The following GSE1 variants were observed in gnomAD, a reference collection of about 807,000 sequenced individuals.
The protein encoded by GSE1 is genetic suppressor element 1.
Under a neutral mutation model 112.6 loss-of-function variants are expected in GSE1, and 32 were observed. The observed-to-expected ratio is 0.28, with a 90% CI of 0.21 to 0.38. The LOEUF (loss-of-function observed/expected upper bound fraction) is 0.38, where lower values mean the gene tolerates loss of function less well. Ranked by LOEUF, GSE1 falls within the 10% of genes least tolerant of loss-of-function variation. The pLI is 1.00. For missense variants in GSE1, 2,348 were observed against 1,699.2 expected, an observed-to-expected ratio of 1.38 and a Z score of -6.71; for synonymous variants, 1,115 against 735.6, an observed-to-expected ratio of 1.52 and a Z score of -8.35.
intron 1 of GSE1, among the ~76,000 whole-genome samples, chr16:85,614,081 G>GCCCCT (rs1426645865): frequency 0.019 from 1,442 of 75,770 alleles, 32 homozygotes; most frequent in African/African-American, 0.07. Flanking sequence ...GCGGCTCCCT[G>GCCCCT]CCCCTCCCCT....
upstream of GSE1, among the ~76,000 whole-genome samples, chr16:85,554,129 CAA>C (rs2045075542): frequency 6.7e-6 from 1 of 149,490 alleles, no homozygotes; most frequent in Non-Finnish European, 1.5e-5. Context: ...ATTGTCACAT[CAA>C]GAGGCAGCTT....
intron 2 of GSE1, among the ~76,000 whole-genome samples, chr16:85,477,790 G>A (rs951051745): frequency 3.3e-5 from 5 of 151,998 alleles, no homozygotes; most frequent in African/African-American, 1.2e-4. Context: ...TCGAACTCCT[G>A]ACCTTGTGAT....
At chr16:85,466,686 A>G (rs2050131130) in intron 2 of GSE1, among the ~76,000 whole-genome samples, 1 of 145,984 alleles carries the variant, frequency 6.9e-6, no homozygotes, top group South Asian at 2.2e-4. Context: ...AAAAAAAAAA[A>G]GAAATATATA....
intron 2 of GSE1, among the ~76,000 whole-genome samples, chr16:85,422,147 C>G (rs1253998973): frequency 6.6e-6 from 1 of 152,170 alleles, no homozygotes; most frequent in Non-Finnish European, 1.5e-5. Flanking sequence ...GTCATCCTCG[C>G]ACCCCACCTC....
intron 1 of GSE1, among the ~76,000 whole-genome samples, chr16:85,596,168 C>G (rs191881356): frequency 1.3e-5 from 2 of 152,164 alleles, no homozygotes; most frequent in African/African-American, 2.4e-5. Context: ...GTGGCTGCCT[C>G]CCCCACCGCT....
intron 1 of GSE1, among the ~76,000 whole-genome samples, chr16:85,354,295 C>T (rs764930773): frequency 1.3e-5 from 2 of 152,212 alleles, no homozygotes; most frequent in Non-Finnish European, 2.9e-5. Flanking sequence ...AACCCGTATC[C>T]CTCCAGTTAT....
At chr16:85,305,252 A>C (rs2045645386) in intron 1 of GSE1, among the ~76,000 whole-genome samples, 1 of 152,198 alleles carries the variant, frequency 6.6e-6, no homozygotes, top group African/African-American at 2.4e-5. Context: ...CGAAGCTAGA[A>C]TCTCTGACGA....
At chr16:85,186,458 C>G (rs1011607966) in intron 1 of GSE1, among the ~76,000 whole-genome samples, 1 of 152,012 alleles carries the variant, frequency 6.6e-6, no homozygotes, top group Non-Finnish European at 1.5e-5. Flanking sequence ...CAAAAATTAA[C>G]TGGGTGTGGT....
intron 1 of GSE1, among the ~76,000 whole-genome samples, chr16:85,356,394 G>C (rs1488843677): frequency 6.6e-6 from 1 of 152,384 alleles, no homozygotes; most frequent in Middle Eastern, 3.4e-3. Flanking sequence ...CACCCGGGGA[G>C]GGACACGGCT....
At chr16:85,278,382 GTTT>G (rs1221581223) in intron 1 of GSE1, among the ~76,000 whole-genome samples, 2 of 152,170 alleles carry the variant, frequency 1.3e-5, no homozygotes, top group Non-Finnish European at 2.9e-5. Flanking sequence ...TTGCTTCTCT[GTTT>G]TTGTCTGTGT....
chr16:85,258,152 G>A (rs1907279770), intron 1 of GSE1, among the ~76,000 whole-genome samples: 1 of 152,216 alleles, frequency 6.6e-6, no homozygotes, highest in Non-Finnish European at 1.5e-5. Context: ...AGGCCAGCAG[G>A]CAGCAGGGGC....
intron 1 of GSE1, among the ~76,000 whole-genome samples, chr16:85,221,334 A>T (rs9929912): frequency 6.7e-6 from 1 of 148,172 alleles, no homozygotes; most frequent in African/African-American, 2.5e-5. Flanking sequence ...ACACACACAC[A>T]CCCCAAGTAC....
Position 85,590,525 on chromosome 16 carries a change from TTGTG to T in GSE1, c.37+34165_37+34168del, listed in dbSNP as rs573854581. Among the ~76,000 whole-genome samples, 72 of 146,274 alleles carry T rather than the reference TTGTG, an allele frequency of 4.9e-4. No individual in the cohort carries two copies. The East Asian group carries it at 8.9e-3, about 18-fold the overall frequency. On this transcript the variant is annotated intron_variant, in intron 1 of 2. Coordinates refer to the GSE1 transcript ENST00000635906. The stretch of plus-strand genomic sequence containing the variant: ...TGTGTGTGAATGAGTGTGTGTGTGA[TTGTG>T]TGAGCATGTGTGACATTGCGTGTGT...
intron 1 of GSE1, among the ~76,000 whole-genome samples, chr16:85,569,282 C>T (rs1170744421): frequency 6.6e-6 from 1 of 152,174 alleles, no homozygotes; most frequent in Non-Finnish European, 1.5e-5. Flanking sequence ...GTGGCCGCTC[C>T]CTGCTCTGTG....
chr16:85,390,654 C>T lies in GSE1; in HGVS notation c.2464+33011C>T, dbSNP rs1046546524. On this transcript the variant is annotated intron_variant, in intron 2 of 2. Transcript: ENST00000637419. The stretch of plus-strand genomic sequence containing the variant: ...ATATTTTAAATGGGGTGAGCTTGGA[C>T]GCTAGTGTTCCCGTACCCCCGCCTT... Among the ~76,000 whole-genome samples, 9 of 152,008 alleles carry T rather than the reference C, an allele frequency of 5.9e-5. No individual in the cohort carries two copies. The East Asian group carries it at 7.8e-4, about 13-fold the overall frequency.
intron 1 of GSE1, among the ~76,000 whole-genome samples, chr16:85,266,321 C>T (rs1194380217): frequency 6.6e-6 from 1 of 152,146 alleles, no homozygotes; most frequent in African/African-American, 2.4e-5. Context: ...AAACTGAGGC[C>T]CGAGGAGTGA....
At chr16:85,656,106 G>A (rs1289624323) in intron 6 of GSE1, among the ~76,000 whole-genome samples, 189 bp downstream of exon 6, 1 of 152,174 alleles carries the variant, frequency 6.6e-6, no homozygotes, top group Non-Finnish European at 1.5e-5. Flanking sequence ...GGTAGCCGTG[G>A]TCTCCTGCAG....
At chr16:85,169,602 G>A in exon 1 of GSE1, 1 of 982,290 alleles carries the variant, frequency 1.0e-6, no homozygotes, top group Non-Finnish European at 1.2e-6. Flanking sequence ...CGGGCGGCGC[G>A]CCGCTCTCCT....
intron 2 of GSE1, among the ~76,000 whole-genome samples, chr16:85,492,405 T>C (rs2051039939): frequency 6.6e-6 from 1 of 152,194 alleles, no homozygotes; most frequent in African/African-American, 2.4e-5. Flanking sequence ...GCTACTTTCT[T>C]AGGAATTCTT....
Sources: gnomAD v4.1 joint callset for allele counts (sites outside exome capture counted in the v4.1 genomes callset) on GRCh38, gnomAD v4.1.1 for gene constraint, MANE v1.5 for transcripts, NCBI Gene and HGNC (gene_info 2026-07-23, HGNC 2026-07-21) for gene names.